The following SH2D4B variants were observed in gnomAD, a reference collection of about 807,000 sequenced individuals.
SH2D4B encodes the protein SH2 domain containing 4B.
A neutral mutation model predicts 61.5 loss-of-function variants in SH2D4B; 45 were observed. The ratio of observed to expected loss-of-function variants is 0.73; its 90% CI spans 0.58 to 0.94. The LOEUF is 0.94. Ranked by LOEUF, SH2D4B falls within the 40% of genes least tolerant of loss-of-function variation. The pLI is 0.00. For missense variants in SH2D4B, 572 were observed against 574.2 expected (o/e 1.00, Z 0.04); for synonymous variants, 224 against 220.4 (o/e 1.02, Z -0.14).
At chr10:80,549,252 G>T (rs1391449161) in intron 1 of SH2D4B, among the ~76,000 whole-genome samples, 2 of 146,720 alleles carry the variant, frequency 1.4e-5, no homozygotes, top group Non-Finnish European at 3.0e-5. Flanking sequence ...TGTGAGTTTG[G>T]CATGTGTTCT....
At chr10:80,588,029 C>G (rs893395169) in intron 3 of SH2D4B, among the ~76,000 whole-genome samples, 1 of 152,144 alleles carries the variant, frequency 6.6e-6, no homozygotes, top group African/African-American at 2.4e-5. Context: ...CGATCACCAC[C>G]ACTTTATTAC....
intron 3 of SH2D4B, among the ~76,000 whole-genome samples, chr10:80,587,878 A>C (rs190210543): frequency 2.8e-3 from 430 of 152,302 alleles, no homozygotes; most frequent in South Asian, 7.9e-3. Flanking sequence ...TTCACTTACT[A>C]TAATGGCCTC....
chr10:80,596,234 G>C (rs969872826), intron 4 of SH2D4B, among the ~76,000 whole-genome samples: 6 of 152,246 alleles, frequency 3.9e-5, no homozygotes, highest in African/African-American at 1.4e-4. Context: ...GGCAGCTGCT[G>C]TTGAACTATT....
In SH2D4B at chr10:80,620,217, TG is replaced by T. The variant is rs34772312; in HGVS notation, c.988+10672del. 2.6e-5 allele frequency among the ~76,000 whole-genome samples: 4 copies of T among 152,310 alleles called. No homozygotes were observed. The East Asian group carries it at 7.7e-4, about 29-fold the overall frequency. On this transcript the variant is annotated intron_variant, in intron 6 of 7. Transcript: ENST00000646907. ...GACCTGGTGGAAGGTGATTGGATCA[TG>T]GGGGGCGGTTCCCCCCCTTGCTGTT...
chr10:80,591,332 C>T (rs1255786831), intron 4 of SH2D4B, among the ~76,000 whole-genome samples: 4 of 151,834 alleles, frequency 2.6e-5, no homozygotes, highest in Non-Finnish European at 4.4e-5. Flanking sequence ...ATATCTGAGA[C>T]TGAGTGACTT....
chr10:80,634,938 G>A (rs1842880008), intron 7 of SH2D4B, among the ~76,000 whole-genome samples: 1 of 152,220 alleles, frequency 6.6e-6, no homozygotes. Context: ...TGTGATTAGA[G>A]AAGCTTTTCT....
intron 1 of SH2D4B, among the ~76,000 whole-genome samples, chr10:80,546,053 T>TA (rs1464008865): frequency 2.1e-4 from 32 of 150,614 alleles, no homozygotes; most frequent in African/African-American, 7.8e-4. Context: ...TTTCTTTTTT[T>TA]TTTTTTTTTT....
intron 3 of SH2D4B, among the ~76,000 whole-genome samples, chr10:80,583,295 C>CAT (rs57437825): frequency 0.27 from 40,458 of 151,738 alleles, 6,279 homozygotes; most frequent in African/African-American, 0.42. Flanking sequence ...GGAAATTACA[C>CAT]GTGATAGCTG....
chr10:80,541,484 G>T (rs1049457628), intron 1 of SH2D4B, among the ~76,000 whole-genome samples: 1 of 152,156 alleles, frequency 6.6e-6, no homozygotes. Flanking sequence ...CTGTTTGCTG[G>T]CCCCTTGGGA....
At chr10:80,572,464 A>T (rs1310861383) in intron 3 of SH2D4B, among the ~76,000 whole-genome samples, 1 of 152,086 alleles carries the variant, frequency 6.6e-6, no homozygotes, top group Admixed American at 6.6e-5. Flanking sequence ...CCAGAGTTTG[A>T]TGGAGTTGTT....
At chr10:80,622,629 GGT>G (rs1393629668) in intron 6 of SH2D4B, among the ~76,000 whole-genome samples, 2 of 152,120 alleles carry the variant, frequency 1.3e-5, no homozygotes, top group Admixed American at 6.5e-5. Flanking sequence ...GGCCCTGGAG[GGT>G]CTCATGGTGG....
chr10:80,542,596 A>G (rs1841596900), intron 1 of SH2D4B, among the ~76,000 whole-genome samples: 1 of 151,568 alleles, frequency 6.6e-6, no homozygotes. Flanking sequence ...TGGTTTCATC[A>G]TGTTGGCCAG....
chr10:80,604,785 T>C (rs1393880429), intron 5 of SH2D4B, among the ~76,000 whole-genome samples: 1 of 119,130 alleles, frequency 8.4e-6, no homozygotes, highest in African/African-American at 3.6e-5. Flanking sequence ...GTCACTACTG[T>C]TCTTAGTTTT....
intron 3 of SH2D4B, among the ~76,000 whole-genome samples, chr10:80,581,134 C>T (rs1324232222): frequency 6.6e-6 from 1 of 152,200 alleles, no homozygotes; most frequent in African/African-American, 2.4e-5. Flanking sequence ...TCATTTTCCT[C>T]TGAGATGGGC....
At chr10:80,603,202 G>A (rs73309245) in intron 4 of SH2D4B, among the ~76,000 whole-genome samples, 13,050 of 152,074 alleles carry the variant, frequency 0.086, 608 homozygotes, top group African/African-American at 0.13. Flanking sequence ...GCTCTGAGCA[G>A]GGCACTCCCA....
rs1564771984 is a variant in SH2D4B at position 80,572,977 on chromosome 10, TATATATA to T, written c.495+1400_495+1406del. On this transcript the variant is annotated intron_variant, in intron 3 of 7. Coordinates refer to ENST00000646907, the MANE Select transcript of SH2D4B (RefSeq NM_001388272.1). ...ATATATATATATATATATATATATA[TATATATA>T]TATTTTTTTTTTTTTTTTTTTTTTT... is the stretch of plus-strand genomic sequence containing the variant. 7.0e-3 allele frequency among the ~76,000 whole-genome samples: 77 copies of T among 10,970 alleles called. 1 individual carries two copies. Among genetic ancestry groups the T allele is most frequent in the African/African-American group, 9.8e-3 (19 of 1,938 alleles). The allele number at this position is 10,970 out of a possible 152,430, so 7.2% of individuals were successfully genotyped here.
At chr10:80,578,783 G>C (rs1016204052) in intron 3 of SH2D4B, among the ~76,000 whole-genome samples, 1 of 152,192 alleles carries the variant, frequency 6.6e-6, no homozygotes, top group Non-Finnish European at 1.5e-5. Context: ...CAGGCAAGGA[G>C]ACTAGTTAGG....
intron 4 of SH2D4B, among the ~76,000 whole-genome samples, chr10:80,598,352 G>A (rs866754162): frequency 6.6e-6 from 1 of 152,186 alleles, no homozygotes; most frequent in Non-Finnish European, 1.5e-5. Context: ...ATGGAGAATG[G>A]AAATCGTCTG....
At chr10:80,588,932 T>C in intron 4 of SH2D4B, 155 bp downstream of exon 4, 3 of 848,394 alleles carry the variant, frequency 3.5e-6, no homozygotes, top group Non-Finnish European at 5.4e-6. Context: ...GCTAAGAATT[T>C]AGAGGGTAAG....
Sources: allele counts gnomAD v4.1 joint callset (sites outside exome capture counted in the v4.1 genomes callset), GRCh38; gene constraint gnomAD v4.1.1; transcripts MANE v1.5; gene names NCBI Gene and HGNC (gene_info 2026-07-23, HGNC 2026-07-21).